Variants in SLC30A8 observed in about 807,000 individuals in gnomAD.
SLC30A8 encodes solute carrier family 30 member 8, also known as proton-coupled zinc antiporter SLC30A8.
In SLC30A8, 27 loss-of-function variants were observed where a neutral mutation model predicts 36.9. That is an observed-to-expected ratio of 0.73 (90% CI 0.54 to 1.01). The LOEUF (loss-of-function observed/expected upper bound fraction) is 1.01, where lower values mean the gene tolerates loss of function less well. Ranked by LOEUF, SLC30A8 falls within the 50% of genes least tolerant of loss-of-function variation. The pLI is 0.00. For missense variants in SLC30A8, 439 were observed against 452.0 expected, an observed-to-expected ratio of 0.97 and a Z score of 0.26; for synonymous variants, 164 against 172.4, an observed-to-expected ratio of 0.95 and a Z score of 0.38.
chr8:116,987,239 A>C (rs1333622537), intron 1 of SLC30A8, among the ~76,000 whole-genome samples: 1 of 139,132 alleles, frequency 7.2e-6, no homozygotes, highest in Non-Finnish European at 1.5e-5. Context: ...CATTATCTAG[A>C]GATAACATGG....
chr8:117,062,572 C>T (rs574425423), intron 2 of SLC30A8, among the ~76,000 whole-genome samples: 1 of 152,332 alleles, frequency 6.6e-6, no homozygotes, highest in East Asian at 1.9e-4. Flanking sequence ...CCAGGCCCCA[C>T]CTCAAATATT....
intron 1 of SLC30A8, among the ~76,000 whole-genome samples, chr8:117,022,364 A>G (rs1040451892): frequency 1.2e-4 from 18 of 152,328 alleles, no homozygotes; most frequent in African/African-American, 4.1e-4. Context: ...TGTTAGGTAC[A>G]TGAAGATGAA....
intron 1 of SLC30A8, among the ~76,000 whole-genome samples, chr8:117,016,373 C>A (rs1302592398): frequency 2.6e-5 from 4 of 152,132 alleles, no homozygotes; most frequent in African/African-American, 7.2e-5. Context: ...GATATAATGT[C>A]AGACTATAGT....
chr8:117,037,706 T>C (rs1205838701), intron 1 of SLC30A8, among the ~76,000 whole-genome samples: 1 of 152,084 alleles, frequency 6.6e-6, no homozygotes, highest in Non-Finnish European at 1.5e-5. Context: ...CTTAGAATAA[T>C]GAGAAAACAA....
At chr8:117,028,317 T>C (rs1335718051) in intron 1 of SLC30A8, among the ~76,000 whole-genome samples, 1 of 152,196 alleles carries the variant, frequency 6.6e-6, no homozygotes, top group Non-Finnish European at 1.5e-5. Flanking sequence ...ATCTTTTACA[T>C]AGTGAACCAC....
chr8:117,067,045 C>A (rs1194126460), intron 2 of SLC30A8, among the ~76,000 whole-genome samples: 1 of 152,102 alleles, frequency 6.6e-6, no homozygotes, highest in East Asian at 1.9e-4. Flanking sequence ...GAAGGGGAAG[C>A]AAATACGTCC....
intron 2 of SLC30A8, among the ~76,000 whole-genome samples, chr8:117,048,681 A>G (rs1278876301): frequency 6.6e-6 from 1 of 152,242 alleles, no homozygotes; most frequent in Non-Finnish European, 1.5e-5. Flanking sequence ...TATTTAAACA[A>G]AAATGCTGAC....
chr8:117,121,244 C>T (rs1054816466), intron 2 of SLC30A8, among the ~76,000 whole-genome samples: 5 of 151,904 alleles, frequency 3.3e-5, no homozygotes, highest in East Asian at 1.9e-4. Flanking sequence ...GTAGCCTAAA[C>T]ATTCATTAAT....
chr8:117,109,429 A>G (rs1405412634), intron 2 of SLC30A8, among the ~76,000 whole-genome samples: 2 of 152,168 alleles, frequency 1.3e-5, no homozygotes, highest in African/African-American at 4.8e-5. Flanking sequence ...AACAGTAGGA[A>G]CAAAGTTCTT....
intron 1 of SLC30A8, among the ~76,000 whole-genome samples, chr8:116,996,092 C>A (rs368133553): frequency 1.3e-5 from 2 of 152,186 alleles, no homozygotes; most frequent in Non-Finnish European, 2.9e-5. Flanking sequence ...TTCTTTACTT[C>A]CAACTGTCTT....
chr8:117,120,747 T>TA (rs375314793), intron 2 of SLC30A8, among the ~76,000 whole-genome samples: 4 of 151,242 alleles, frequency 2.6e-5, no homozygotes, highest in African/African-American at 4.9e-5. Flanking sequence ...AGGGAACTTC[T>TA]AAAAAAAACT....
At chr8:117,132,061 A>G (rs1821159536), upstream of SLC30A8, among the ~76,000 whole-genome samples, 1 of 152,040 alleles carries the variant, frequency 6.6e-6, no homozygotes. Flanking sequence ...CACATTTGTT[A>G]TTTAAAAACA....
Position 117,128,295 on chromosome 8 carries a change from G to C in SLC30A8, c.-225-6985G>C, listed in dbSNP as rs571579782. Among the ~76,000 whole-genome samples, 3 of 152,160 alleles carry C rather than the reference G, an allele frequency of 2.0e-5. No individual in the cohort carries two copies. In the East Asian group the frequency reaches 5.9e-4, roughly 30 times the overall value. Reference sequence around the variant, plus strand: ...AACATCACATCTTCCCAGTCCAGGAGGCAGAGGACTAGGAGTTTCCTAGCA... The same window carrying C: ...AACATCACATCTTCCCAGTCCAGGACGCAGAGGACTAGGAGTTTCCTAGCA... On this transcript the variant is annotated intron_variant, in intron 2 of 10. Transcript: ENST00000427715.
At chr8:116,986,241 A>G (rs1563735507) in intron 1 of SLC30A8, among the ~76,000 whole-genome samples, 2 of 151,924 alleles carry the variant, frequency 1.3e-5, no homozygotes, top group Non-Finnish European at 2.9e-5. Context: ...TCTAATTACT[A>G]TTTATTCATC....
rs527793156 is a variant in SLC30A8, at chr8:116,951,604, G to A, written c.-266+485G>A. On this transcript the variant is annotated intron_variant, in intron 1 of 10. Transcript: ENST00000427715. ...TGAATTATCTGTTCCCCACCCCGCC[G>A]TCTAGACTACAAGCAACATGAGAGC... Among the ~76,000 whole-genome samples, 54 of 151,760 alleles carry A rather than the reference G, an allele frequency of 3.6e-4. 1 individual carries two copies. In the South Asian group the frequency reaches 0.01, roughly 29 times the overall value.
rs137957552 is a variant in SLC30A8 at position 117,146,569 on chromosome 8, G to A, written c.72-385G>A. Among the ~76,000 whole-genome samples, 227 of 152,148 alleles carry A rather than the reference G, an allele frequency of 1.5e-3. 1 individual carries two copies. The highest frequency in any genetic ancestry group is 3.9e-4 in the East Asian group (2 of 5,162). ...TCAGTCTGGCTCTTATACACATATC[G>A]TAATGTACCCTAATTTATTTTATTA... On this transcript the variant is annotated intron_variant, in intron 1 of 7. Transcript: ENST00000456015.
chr8:117,130,278 T>TGTC (rs1821075010), upstream of SLC30A8: 1 of 151,998 alleles, frequency 6.6e-6, no homozygotes, highest in Non-Finnish European at 1.5e-5. Context: ...AGCTTTGTCT[T>TGTC]GTCTCCTGGA....
chr8:117,114,532 C>T (rs1323638587), intron 2 of SLC30A8, among the ~76,000 whole-genome samples: 1 of 152,038 alleles, frequency 6.6e-6, no homozygotes, highest in African/African-American at 2.4e-5. Context: ...CTAAGCTGAC[C>T]CCCGTCAGCT....
chr8:117,030,891 A>G (rs368308595), intron 1 of SLC30A8, among the ~76,000 whole-genome samples: 134 of 148,228 alleles, frequency 9.0e-4, no homozygotes, highest in African/African-American at 3.3e-3. Context: ...TATCACAGAC[A>G]TGTGTGCTTT....
Sources: allele counts gnomAD v4.1 joint callset (sites outside exome capture counted in the v4.1 genomes callset), GRCh38; gene constraint gnomAD v4.1.1; transcripts MANE v1.5; gene names NCBI Gene and HGNC (gene_info 2026-07-23, HGNC 2026-07-21).